The following KHDRBS2 variants were observed in gnomAD, a reference collection of about 807,000 sequenced individuals.
KHDRBS2 encodes the protein KH RNA binding domain containing, signal transduction associated 2, also known as KH domain-containing, RNA-binding, signal transduction-associated protein 2.
A neutral mutation model predicts 44.3 loss-of-function variants in KHDRBS2; 26 were observed. The ratio of observed to expected loss-of-function variants is 0.59; its 90% confidence interval spans 0.43 to 0.81. KHDRBS2 has a LOEUF of 0.81. KHDRBS2 is among the 40% of genes least tolerant of loss of function. KHDRBS2 has a pLI of 0.00. For missense variants in KHDRBS2, 476 were observed against 433.1 expected, an observed-to-expected ratio of 1.10 and a Z score of -0.88; for synonymous variants, 194 against 151.1, an observed-to-expected ratio of 1.28 and a Z score of -2.08.
At chr6:61,854,569 C>T (rs1202402757) in intron 6 of KHDRBS2, among the ~76,000 whole-genome samples, 1 of 152,076 alleles carries the variant, frequency 6.6e-6, no homozygotes, top group South Asian at 2.1e-4. Context: ...ATTATAATTT[C>T]CTTCTTGTAA....
At chr6:61,575,168 A>G in the KHDRBS2 span, among the ~76,000 whole-genome samples, 1 of 152,226 alleles carries the variant, frequency 6.6e-6, no homozygotes, top group African/African-American at 2.4e-5. Flanking sequence ...TCAGCAGAGT[A>G]AACAGACAGC....
At chr6:62,161,019 C>G (rs1004394336) in intron 2 of KHDRBS2, among the ~76,000 whole-genome samples, 39 of 152,086 alleles carry the variant, frequency 2.6e-4, no homozygotes, top group Non-Finnish European at 4.9e-4. Context: ...ATTCTACGTT[C>G]TGTCTTTATG....
At chr6:61,890,346 C>T (rs1241205127) in intron 6 of KHDRBS2, among the ~76,000 whole-genome samples, 8 of 152,090 alleles carry the variant, frequency 5.3e-5, no homozygotes, top group Non-Finnish European at 8.8e-5. Flanking sequence ...TAAATTTTCC[C>T]ATTTAGAATA....
At chr6:62,208,978 T>C (rs1022555421) in intron 1 of KHDRBS2, among the ~76,000 whole-genome samples, 2 of 152,080 alleles carry the variant, frequency 1.3e-5, no homozygotes, top group Admixed American at 6.5e-5. Context: ...AAGCTCAGGC[T>C]ACAAAAGCAA....
At chr6:61,967,644 G>A (rs993284828) in intron 4 of KHDRBS2, among the ~76,000 whole-genome samples, 4 of 151,738 alleles carry the variant, frequency 2.6e-5, no homozygotes, top group Non-Finnish European at 2.9e-5. Flanking sequence ...TAAGCAAGTC[G>A]GTTGGGAAGA....
the KHDRBS2 span, among the ~76,000 whole-genome samples, chr6:61,566,478 C>G: frequency 6.6e-6 from 1 of 152,110 alleles, no homozygotes; most frequent in Non-Finnish European, 1.5e-5. Context: ...CACATTCTTT[C>G]TTGTATCAAA....
intron 3 of KHDRBS2, among the ~76,000 whole-genome samples, chr6:62,009,657 A>G (rs1055817319): frequency 7.2e-5 from 11 of 152,202 alleles, no homozygotes; most frequent in African/African-American, 2.2e-4. Context: ...TGCAGTCAAG[A>G]GACTTGTTGC....
chr6:62,077,314 C>A (rs1161822194), intron 2 of KHDRBS2, among the ~76,000 whole-genome samples: 1 of 151,928 alleles, frequency 6.6e-6, no homozygotes, highest in Admixed American at 6.6e-5. Context: ...TATGAAATTG[C>A]CTGCCAGGCC....
chr6:61,655,399 A>T, the KHDRBS2 span, among the ~76,000 whole-genome samples: 1 of 151,870 alleles, frequency 6.6e-6, no homozygotes, highest in African/African-American at 2.4e-5. Context: ...GGTTACAGGT[A>T]TGCGCCACCA....
chr6:62,239,347 T>C (rs767953007), intron 1 of KHDRBS2, among the ~76,000 whole-genome samples: 4 of 151,704 alleles, frequency 2.6e-5, no homozygotes, highest in Non-Finnish European at 5.9e-5. Context: ...CCGAGGAGGG[T>C]GGATCATTTG....
intron 4 of KHDRBS2, among the ~76,000 whole-genome samples, chr6:61,955,737 G>C (rs201996387): frequency 8.7e-5 from 9 of 102,968 alleles, no homozygotes; most frequent in Admixed American, 3.2e-4. Flanking sequence ...TATAGACAGA[G>C]AGAGAGGTAG....
At chr6:61,792,592 T>C (rs1478636427) in intron 6 of KHDRBS2, among the ~76,000 whole-genome samples, 1 of 151,732 alleles carries the variant, frequency 6.6e-6, no homozygotes, top group African/African-American at 2.4e-5. Context: ...TTTTTTACTT[T>C]TGGCACTCTG....
At chr6:62,098,637 TTAATC>T (rs1238104615) in intron 2 of KHDRBS2, among the ~76,000 whole-genome samples, 1 of 152,206 alleles carries the variant, frequency 6.6e-6, no homozygotes, top group African/African-American at 2.4e-5. Flanking sequence ...TCATTTGAGT[TTAATC>T]TAAGCGGCTT....
intron 7 of KHDRBS2, among the ~76,000 whole-genome samples, chr6:61,714,285 G>T (rs1352880035): frequency 6.6e-6 from 1 of 151,462 alleles, no homozygotes; most frequent in Non-Finnish European, 1.5e-5. Flanking sequence ...ACATAAAAAT[G>T]ACCAACATCA....
At chr6:62,221,545 G>A (rs1270415651) in intron 1 of KHDRBS2, among the ~76,000 whole-genome samples, 1 of 151,940 alleles carries the variant, frequency 6.6e-6, no homozygotes, top group African/African-American at 2.4e-5. Flanking sequence ...TTATCTACAT[G>A]TATCTGATAA....
At chr6:62,200,678 G>A (rs1211586236) in intron 1 of KHDRBS2, among the ~76,000 whole-genome samples, 1 of 152,138 alleles carries the variant, frequency 6.6e-6, no homozygotes, top group Non-Finnish European at 1.5e-5. Context: ...TCAGTGTGGT[G>A]ATTCTTCAGG....
At chr6:61,675,292 C>G (rs2127535688), downstream of KHDRBS2, among the ~76,000 whole-genome samples, 1 of 151,736 alleles carries the variant, frequency 6.6e-6, no homozygotes, top group East Asian at 2.0e-4. Flanking sequence ...AAATAATTTC[C>G]TTTCAAAGAA....
chr6:62,110,390 T>A (rs1804721715), intron 2 of KHDRBS2, among the ~76,000 whole-genome samples: 1 of 152,000 alleles, frequency 6.6e-6, no homozygotes, highest in Non-Finnish European at 1.5e-5. Flanking sequence ...TTTGCAGCAG[T>A]TTTATTTGTA....
At chr6:61,662,981 C>G in the KHDRBS2 span, among the ~76,000 whole-genome samples, 1 of 151,906 alleles carries the variant, frequency 6.6e-6, no homozygotes, top group Non-Finnish European at 1.5e-5. Flanking sequence ...TTCACAATAG[C>G]AAAGACTTGG....
Sources: gnomAD v4.1 joint callset for allele counts (sites outside exome capture counted in the v4.1 genomes callset) on GRCh38, gnomAD v4.1.1 for gene constraint, MANE v1.5 for transcripts, NCBI Gene and HGNC (gene_info 2026-07-23, HGNC 2026-07-21) for gene names.